PBX1: variants seen among roughly 807,000 people sequenced by gnomAD.
PBX1 encodes pre-B-cell leukemia transcription factor 1.
In PBX1, 6 loss-of-function variants were observed where a neutral mutation model predicts 53.4. The observed-to-expected ratio is 0.11, with a 90% CI of 0.06 to 0.22. The LOEUF (loss-of-function observed/expected upper bound fraction) is 0.22. Among genes scored for constraint, PBX1 ranks in the 10% least tolerant of loss-of-function variants. The probability of loss-of-function intolerance (pLI) is 1.00; values close to 1 mark genes in which losing one functional copy is unlikely to be tolerated. For missense variants in PBX1, 251 were observed against 551.4 expected, an observed-to-expected ratio of 0.46 and a Z score of 5.46; for synonymous variants, 204 against 212.3, an observed-to-expected ratio of 0.96 and a Z score of 0.34.
At chr1:164,761,690 G>A (rs912354301) in intron 2 of PBX1, among the ~76,000 whole-genome samples, 10 of 152,140 alleles carry the variant, frequency 6.6e-5, no homozygotes, top group East Asian at 3.9e-4. Flanking sequence ...TGATCCGCCC[G>A]TCTCGGCCTC....
chr1:164,590,212 GA>G (rs35639960), intron 2 of PBX1: 6,705 of 334,094 alleles, frequency 0.02, no homozygotes, highest in Middle Eastern at 0.033. Context: ...ACCCTGTGTT[GA>G]AAAAAAAAAA....
chr1:164,559,751 G>C lies in PBX1; in HGVS notation c.-72G>C, dbSNP rs1652886660. On this transcript the variant is annotated 5_prime_UTR_variant, in exon 1 of 9. Transcript: ENST00000420696. ...TGAAGACAAGCTTGAAGGATAAAAAGCCTTGGTGCTTCCCAGGAGCCGAGC... is the reference window on the plus strand; with the variant it reads ...TGAAGACAAGCTTGAAGGATAAAAACCCTTGGTGCTTCCCAGGAGCCGAGC... 1 of 1,192,088 alleles carries C rather than the reference G, an allele frequency of 8.4e-7. No individual in the cohort carries two copies. Among genetic ancestry groups the C allele is most frequent in the African/African-American group, 1.6e-5 (1 of 62,882 alleles). 73.8% of individuals were successfully genotyped at this position (1,192,088 alleles called of 1,614,324 possible).
At chr1:164,838,095 G>A (rs971640917) in intron 8 of PBX1, among the ~76,000 whole-genome samples, 3 of 152,210 alleles carry the variant, frequency 2.0e-5, no homozygotes, top group African/African-American at 4.8e-5. Flanking sequence ...GGCACACTAT[G>A]ATGGTGCTAC....
At chr1:164,754,658 G>GGT (rs142195773) in intron 2 of PBX1, among the ~76,000 whole-genome samples, 7,728 of 152,140 alleles carry the variant, frequency 0.051, 249 homozygotes, top group East Asian at 0.094. Flanking sequence ...AAAACAGAGG[G>GGT]GTGTGTGTGT....
At chr1:164,621,488 G>T (rs1194660917) in intron 2 of PBX1, among the ~76,000 whole-genome samples, 1 of 152,142 alleles carries the variant, frequency 6.6e-6, no homozygotes, top group Non-Finnish European at 1.5e-5. Context: ...GATGGGATAC[G>T]GACTGGTTTA....
chr1:164,801,316 C>G (rs778700623), intron 4 of PBX1, among the ~76,000 whole-genome samples: 14 of 152,264 alleles, frequency 9.2e-5, no homozygotes, highest in Non-Finnish European at 1.9e-4. Flanking sequence ...CTGCGTAGTG[C>G]AAAGTGCAAG....
intron 6 of PBX1, chr1:164,816,784 C>T (rs907550762): frequency 3.3e-5 from 5 of 151,280 alleles, no homozygotes; most frequent in African/African-American, 4.9e-5. Flanking sequence ...TAAGCTTTAT[C>T]ATTATTATTA....
intron 2 of PBX1, among the ~76,000 whole-genome samples, chr1:164,749,527 A>T (rs929282341): frequency 3.3e-5 from 5 of 152,206 alleles, no homozygotes; most frequent in Non-Finnish European, 7.3e-5. Context: ...AGTGAAATAA[A>T]GTCCATATTC....
intron 2 of PBX1, among the ~76,000 whole-genome samples, chr1:164,660,401 T>C (rs913520847): frequency 6.6e-6 from 1 of 152,182 alleles, no homozygotes; most frequent in Non-Finnish European, 1.5e-5. Context: ...GCAGCTGACA[T>C]GGCAGTGCTG....
intron 2 of PBX1, among the ~76,000 whole-genome samples, chr1:164,729,359 TCTTTTTTTCCTTC>T (rs1171187461): frequency 6.6e-6 from 1 of 152,190 alleles, no homozygotes; most frequent in Admixed American, 6.5e-5. Context: ...TCCTTGTGCT[TCTTTTTTTCCTTC>T]CTTTTTTTCC....
chr1:164,870,477 G>A (rs1346708929), intron 2 of PBX1, among the ~76,000 whole-genome samples: 1 of 151,726 alleles, frequency 6.6e-6, no homozygotes, highest in Non-Finnish European at 1.5e-5. Flanking sequence ...CCCAAGTAAT[G>A]GGATTACAGG....
chr1:164,846,118 A>G (rs1671558281), intron 8 of PBX1, among the ~76,000 whole-genome samples: 2 of 152,158 alleles, frequency 1.3e-5, no homozygotes, highest in Non-Finnish European at 2.9e-5. Flanking sequence ...CTGGAATCCC[A>G]TAAATACATG....
intron 2 of PBX1, chr1:164,626,179 G>A (rs1025698441): frequency 1.4e-4 from 117 of 843,906 alleles, no homozygotes; most frequent in Non-Finnish European, 1.6e-4. Context: ...TATCTTTAAG[G>A]ATTCATGACA....
At chr1:164,579,474 C>T (rs1289923945) in intron 2 of PBX1, among the ~76,000 whole-genome samples, 1 of 152,116 alleles carries the variant, frequency 6.6e-6, no homozygotes, top group East Asian at 1.9e-4. Context: ...CTCACTGTGG[C>T]CTGCCCAGTC....
chr1:164,640,348 G>A (rs1031923752), intron 2 of PBX1, among the ~76,000 whole-genome samples: 11 of 152,032 alleles, frequency 7.2e-5, no homozygotes, highest in Non-Finnish European at 1.0e-4. Context: ...CAGTTTCCCC[G>A]GCTAGAATGA....
At chr1:164,682,971 C>G (rs1380633278) in intron 2 of PBX1, 7 of 152,266 alleles carry the variant, frequency 4.6e-5, no homozygotes, top group African/African-American at 1.7e-4. Context: ...AGAACCCAGG[C>G]TGTGAGTTTT....
chr1:164,870,287 T>TTC (rs763134945), intron 2 of PBX1, among the ~76,000 whole-genome samples: 1 of 29,384 alleles, frequency 3.4e-5, no homozygotes, highest in Non-Finnish European at 6.9e-5. Flanking sequence ...CTTTCTTTCT[T>TTC]TCTTTCTTTC....
chr1:164,623,631 T>G (rs1657838878), intron 2 of PBX1, among the ~76,000 whole-genome samples: 1 of 152,176 alleles, frequency 6.6e-6, no homozygotes, highest in Admixed American at 6.5e-5. Context: ...ATCTCCTCTC[T>G]GTGCTTGCCT....
chr1:164,875,988 G>GTGTATATATATATA (rs776802784), intron 2 of PBX1, among the ~76,000 whole-genome samples: 2 of 56,946 alleles, frequency 3.5e-5, no homozygotes, highest in South Asian at 8.8e-4. Context: ...TGGTGTATGT[G>GTGTATATATATATA]TATATATATA....
Sources: allele counts gnomAD v4.1 joint callset (sites outside exome capture counted in the v4.1 genomes callset), GRCh38; gene constraint gnomAD v4.1.1; transcripts MANE v1.5; gene names NCBI Gene and HGNC (gene_info 2026-07-23, HGNC 2026-07-21).